Variants in MPHOSPH8 observed in about 807,000 individuals in gnomAD.
MPHOSPH8 encodes M-phase phosphoprotein 8.
MPHOSPH8 carries 45 observed loss-of-function variants against 87.3 expected under a neutral mutation model. The observed-to-expected ratio is 0.52, with a 90% confidence interval of 0.41 to 0.66. MPHOSPH8 has a LOEUF of 0.66. Ranked by LOEUF, MPHOSPH8 falls within the 30% of genes least tolerant of loss-of-function variation. MPHOSPH8 has a pLI of 0.00. For missense variants in MPHOSPH8, 883 were observed against 1,020.2 expected (o/e 0.87, Z 1.83); for synonymous variants, 366 against 376.9 (o/e 0.97, Z 0.33).
chr13:19,657,064 G>A (rs1246737008), intron 5 of MPHOSPH8, among the ~76,000 whole-genome samples: 3 of 135,286 alleles, frequency 2.2e-5, no homozygotes, highest in Non-Finnish European at 4.6e-5. Context: ...GGAGGTTGCA[G>A]TGAGCTGAGA....
chr13:19,640,156 C>T (rs1392972527), intron 1 of MPHOSPH8, among the ~76,000 whole-genome samples: 2 of 152,064 alleles, frequency 1.3e-5, no homozygotes, highest in Admixed American at 1.3e-4. Context: ...GTTTGAATTT[C>T]AGCTGAACTA....
chr13:19,659,393 G>T, intron 7 of MPHOSPH8, 104 bp downstream of exon 7: 1 of 946,310 alleles, frequency 1.1e-6, no homozygotes, highest in Non-Finnish European at 1.6e-6. Flanking sequence ...GCTGGGCGTG[G>T]TGGTGCACAC....
At chr13:19,654,195 A>T (rs192717677) in intron 5 of MPHOSPH8, among the ~76,000 whole-genome samples, 18 of 152,368 alleles carry the variant, frequency 1.2e-4, no homozygotes, top group Admixed American at 7.8e-4. Context: ...CTGTCAGACT[A>T]ACATCATTCT....
At chr13:19,637,871 G>A (rs991867648) in intron 1 of MPHOSPH8, among the ~76,000 whole-genome samples, 4 of 152,006 alleles carry the variant, frequency 2.6e-5, no homozygotes, top group Admixed American at 6.5e-5. Context: ...AGAGGCCAAG[G>A]CAGGCGGATC....
rs560587410 is a variant in MPHOSPH8 at position 19,634,424 on chromosome 13, G to T, written c.213+463G>T. On this transcript the variant is annotated intron_variant, in intron 1 of 13. Coordinates refer to ENST00000361479, the MANE Select transcript of MPHOSPH8 (RefSeq NM_017520.4). ...GTAAAATCTCAATCTTACCCAGAGG[G>T]TGGCATTTAAAGGCCTTCATAACCT... is the stretch of plus-strand genomic sequence containing the variant. Among the ~76,000 whole-genome samples, 4 of 152,266 alleles carry T rather than the reference G, an allele frequency of 2.6e-5. No homozygotes were observed. In the East Asian group the frequency reaches 7.7e-4, roughly 29 times the overall value.
Position 19,642,107 on chromosome 13 carries a change from T to C in MPHOSPH8, c.214-8T>C. 1 of 1,537,888 alleles carries C rather than the reference T, an allele frequency of 6.5e-7. No individual in the cohort carries two copies. The highest frequency in any genetic ancestry group is 8.7e-7 in the Non-Finnish European group (1 of 1,149,706). On this transcript the variant is annotated splice_region_variant and splice_polypyrimidine_tract_variant and intron_variant, in intron 1 of 13. Transcript: ENST00000361479. ...GCTTTATTTGCCTCCTTTTATTTTC[T>C]ATAACAGGGTAAAGTTCTTTACAAA...
intron 1 of MPHOSPH8, among the ~76,000 whole-genome samples, chr13:19,634,962 A>T (rs1414133374): frequency 6.6e-6 from 1 of 152,202 alleles, no homozygotes; most frequent in Non-Finnish European, 1.5e-5. Flanking sequence ...ACTGTATGCC[A>T]GGTGCTGTGT....
intron 7 of MPHOSPH8, among the ~76,000 whole-genome samples, chr13:19,660,223 C>T (rs980752921): frequency 4.0e-5 from 6 of 151,894 alleles, no homozygotes; most frequent in African/African-American, 1.5e-4. Context: ...CTGCCTCCGC[C>T]TCCCAAAGTG....
chr13:19,648,557 G>C, intron 4 of MPHOSPH8, 36 bp downstream of exon 4: 4 of 1,091,774 alleles, frequency 3.7e-6, no homozygotes, highest in Middle Eastern at 2.5e-4. Context: ...CATTTACGTT[G>C]CTATCTTTTA....
rs747331469 is a variant in MPHOSPH8, at chr13:19,672,719, TATC to T, written c.*848_*850del. 5.5e-5 allele frequency: 9 copies of T among 163,954 alleles called. No individual in the cohort carries two copies. The highest frequency in any genetic ancestry group is 1.7e-4 in the South Asian group (1 of 6,018). The allele number at this position is 163,954 out of a possible 1,614,324, so 10.2% of individuals were successfully genotyped here. A position where few individuals can be genotyped will look rare whatever the true frequency, so the allele number is the denominator to read the frequency against. ...ACTTTGTAAATATGCTGTAGTCACT[TATC>T]ATCTTTTCAAAGGGTAACAAGAGAA... On this transcript the variant is annotated 3_prime_UTR_variant, in exon 14 of 14. Transcript: ENST00000361479.
At chr13:19,665,688 C>G (rs1038884106) in intron 9 of MPHOSPH8, among the ~76,000 whole-genome samples, 2 of 152,234 alleles carry the variant, frequency 1.3e-5, no homozygotes, top group Non-Finnish European at 2.9e-5. Flanking sequence ...CTGGAGGCTG[C>G]TCTGCAAAGT....
intron 5 of MPHOSPH8, among the ~76,000 whole-genome samples, chr13:19,657,352 C>G (rs797019827): frequency 1.3e-5 from 2 of 151,610 alleles, no homozygotes; most frequent in South Asian, 4.1e-4. Context: ...CCCATCTCTA[C>G]TACAAAATAC....
intron 5 of MPHOSPH8, among the ~76,000 whole-genome samples, chr13:19,657,475 C>G (rs1027125223): frequency 1.3e-5 from 2 of 149,758 alleles, no homozygotes; most frequent in African/African-American, 4.9e-5. Flanking sequence ...GGCCAAGGCA[C>G]AGAAATCACA....
chr13:19,654,090 C>G (rs1039951723), intron 5 of MPHOSPH8, among the ~76,000 whole-genome samples: 1 of 152,050 alleles, frequency 6.6e-6, no homozygotes, highest in Non-Finnish European at 1.5e-5. Context: ...AAGAGCATCC[C>G]CAAGACGTAA....
In MPHOSPH8 at chr13:19,670,264, T is replaced by A; in HGVS notation, c.2358T>A (p.His786Gln). 11 of 1,614,222 alleles carry A rather than the reference T, an allele frequency of 6.8e-6. No individual in the cohort carries two copies. Among genetic ancestry groups the A allele is most frequent in the Non-Finnish European group, 9.3e-6 (11 of 1,180,032 alleles). Residue 786 changes from histidine to glutamine, a missense_variant, in exon 12 of 14, where the codon CAT becomes CAA. This residue lies in a region of MPHOSPH8 where 741 missense variants were observed against 841.5 expected (regional missense o/e 0.88). Transcript: ENST00000361479. ...CTGGCATCCTGCTGTTTATCTTCCA[T>A]GCAAACTTTTTGGGTAAAGAAGTTA... ...EGSGILLFIF[H>Q]ANFLGKEVIA... is the part of the protein sequence containing the mutation.
At chr13:19,639,935 T>C (rs1478660414) in intron 1 of MPHOSPH8, among the ~76,000 whole-genome samples, 1 of 152,002 alleles carries the variant, frequency 6.6e-6, no homozygotes, top group East Asian at 1.9e-4. Context: ...CGAAACCCCA[T>C]CTCTACTAAA....
intron 7 of MPHOSPH8, chr13:19,660,936 T>G (rs1875490501): frequency 1.0e-6 from 1 of 985,136 alleles, no homozygotes; most frequent in African/African-American, 1.7e-5. Flanking sequence ...CATGTGCCTT[T>G]AGGATTTAAT....
At chr13:19,660,986 G>A (rs1028717112) in intron 7 of MPHOSPH8, 25 of 981,726 alleles carry the variant, frequency 2.5e-5, no homozygotes, top group Middle Eastern at 5.2e-4. Flanking sequence ...AGAGCTGGGC[G>A]TGGTGGCATG....
intron 2 of MPHOSPH8, among the ~76,000 whole-genome samples, chr13:19,643,556 T>C (rs1234776168): frequency 6.6e-6 from 1 of 152,212 alleles, no homozygotes; most frequent in Non-Finnish European, 1.5e-5. Context: ...GACCTGATTT[T>C]TCTTTTAAAG....
Sources: gnomAD v4.1 joint callset for allele counts (sites outside exome capture counted in the v4.1 genomes callset) on GRCh38, gnomAD v4.1.1 for gene constraint, gnomAD v4.1.1 regional missense constraint, MANE v1.5 for transcripts, NCBI Gene and HGNC (gene_info 2026-07-23, HGNC 2026-07-21) for gene names.